LRMDA: variants seen among roughly 807,000 people sequenced by gnomAD.
LRMDA encodes leucine rich melanocyte differentiation associated.
LRMDA carries 18 observed loss-of-function variants against 29.8 expected under a neutral mutation model. The observed-to-expected ratio is 0.60, with a 90% CI of 0.42 to 0.90. The LOEUF (loss-of-function observed/expected upper bound fraction) is 0.90. LRMDA is among the 40% of genes least tolerant of loss of function. LRMDA has a pLI of 0.00. For synonymous variants in LRMDA, 125 were observed against 109.4 expected, an observed-to-expected ratio of 1.14 and a Z score of -0.89; for missense variants, 273 against 273.9, an observed-to-expected ratio of 1.00 and a Z score of 0.02.
intron 2 of LRMDA, among the ~76,000 whole-genome samples, chr10:75,707,763 C>T (rs189230251): frequency 3.3e-5 from 5 of 152,292 alleles, no homozygotes; most frequent in Non-Finnish European, 7.4e-5. Flanking sequence ...CCTTGTGTCT[C>T]TATGGCCCTG....
intron 6 of LRMDA, among the ~76,000 whole-genome samples, chr10:76,345,101 C>A: frequency 8.4e-6 from 1 of 119,318 alleles, no homozygotes; most frequent in Non-Finnish European, 1.6e-5. Context: ...GAGTCTCGCT[C>A]TGTCGCCCAG....
chr10:76,372,738 G>T (rs947846211), intron 6 of LRMDA, among the ~76,000 whole-genome samples: 1 of 152,088 alleles, frequency 6.6e-6, no homozygotes, highest in African/African-American at 2.4e-5. Flanking sequence ...CAGCTAAGGG[G>T]TGCAGACCTG....
At chr10:76,219,551 A>T (rs1851791279) in intron 5 of LRMDA, among the ~76,000 whole-genome samples, 2 of 152,352 alleles carry the variant, frequency 1.3e-5, no homozygotes, top group East Asian at 3.9e-4. Context: ...GGATCAATTC[A>T]ACAAGAAGAG....
chr10:76,332,795 C>T (rs985340132), intron 6 of LRMDA, among the ~76,000 whole-genome samples: 1 of 152,106 alleles, frequency 6.6e-6, no homozygotes. Flanking sequence ...CCCAACATGT[C>T]TTCATTTAGT....
At chr10:76,486,041 C>T (rs1348043500) in intron 6 of LRMDA, among the ~76,000 whole-genome samples, 1 of 151,716 alleles carries the variant, frequency 6.6e-6, no homozygotes, top group African/African-American at 2.4e-5. Flanking sequence ...CTAATAGATG[C>T]TTCATTATGC....
intron 2 of LRMDA, among the ~76,000 whole-genome samples, chr10:75,868,666 T>C (rs756530115): frequency 2.6e-5 from 4 of 152,262 alleles, no homozygotes; most frequent in Non-Finnish European, 5.9e-5. Context: ...TGGGCATTCC[T>C]GAGCCTCTCC....
intron 6 of LRMDA, among the ~76,000 whole-genome samples, chr10:76,458,950 G>C (rs1842485378): frequency 6.6e-6 from 1 of 152,106 alleles, no homozygotes; most frequent in Non-Finnish European, 1.5e-5. Context: ...TGAATTCCAA[G>C]TGTCAAGACA....
rs1329697024 is a variant in LRMDA, at chr10:76,496,458, A to C, written c.602-60751A>C. On this transcript the variant is annotated intron_variant, in intron 6 of 6. Coordinates refer to ENST00000611255, the MANE Select transcript of LRMDA (RefSeq NM_001305581.2). ...CCTCATTTGTTTTCCCTCTATTAGG[A>C]CACACTGTCCTACGTTGCTCTATAT... Among the ~76,000 whole-genome samples the C allele has an allele frequency of 2.7e-5, 2 of 75,466 alleles. 1 individual carries two copies. The highest frequency in any genetic ancestry group is 6.4e-5 in the African/African-American group (2 of 31,056). The allele number at this position is 75,466 out of a possible 152,430, so 49.5% of individuals were successfully genotyped here.
chr10:75,651,187 G>T (rs1841595042), intron 2 of LRMDA, among the ~76,000 whole-genome samples: 1 of 152,118 alleles, frequency 6.6e-6, no homozygotes, highest in Non-Finnish European at 1.5e-5. Context: ...AAATGTTGCT[G>T]TATGGCAAGA....
At chr10:76,287,831 A>G (rs1438592778) in intron 5 of LRMDA, among the ~76,000 whole-genome samples, 1 of 152,202 alleles carries the variant, frequency 6.6e-6, no homozygotes, top group African/African-American at 2.4e-5. Context: ...GGCCCTTCAG[A>G]TCTAATAAGA....
intron 2 of LRMDA, among the ~76,000 whole-genome samples, chr10:75,718,186 G>T (rs1441258823): frequency 2.0e-5 from 3 of 152,170 alleles, no homozygotes; most frequent in Non-Finnish European, 4.4e-5. Context: ...ACACCTAGTG[G>T]CACTCGATCA....
chr10:76,519,914 T>C (rs1438408892), intron 6 of LRMDA, among the ~76,000 whole-genome samples: 1 of 152,170 alleles, frequency 6.6e-6, no homozygotes, highest in Non-Finnish European at 1.5e-5. Context: ...GCATACTTTT[T>C]TTAAGTTTGT....
intron 2 of LRMDA, among the ~76,000 whole-genome samples, chr10:75,508,371 G>A (rs759308061): frequency 2.6e-5 from 4 of 152,066 alleles, no homozygotes; most frequent in Non-Finnish European, 5.9e-5. Flanking sequence ...TTACCTATCA[G>A]CTTGTCAGGT....
chr10:76,378,576 G>T (rs923696343), intron 6 of LRMDA, among the ~76,000 whole-genome samples: 1 of 151,798 alleles, frequency 6.6e-6, no homozygotes, highest in African/African-American at 2.4e-5. Flanking sequence ...TTTGTTGAGG[G>T]TTTTAATCAT....
intron 2 of LRMDA, among the ~76,000 whole-genome samples, chr10:75,511,412 C>G (rs1390935086): frequency 1.3e-5 from 2 of 152,184 alleles, no homozygotes; most frequent in Non-Finnish European, 2.9e-5. Flanking sequence ...TACCCCTCAA[C>G]ATACTGTGGG....
intron 2 of LRMDA, among the ~76,000 whole-genome samples, chr10:75,687,680 A>G (rs1274954911): frequency 6.6e-6 from 1 of 152,248 alleles, no homozygotes; most frequent in East Asian, 1.9e-4. Context: ...CATATTTTCA[A>G]TGTAGTTGGA....
chr10:75,946,915 T>C (rs572278379), intron 2 of LRMDA, among the ~76,000 whole-genome samples: 15 of 152,200 alleles, frequency 9.9e-5, no homozygotes, highest in Middle Eastern at 3.4e-3. Context: ...AGACTTCTGG[T>C]TGAACACCTT....
chr10:75,750,351 A>C (rs1421948136), intron 2 of LRMDA, among the ~76,000 whole-genome samples: 2 of 148,918 alleles, frequency 1.3e-5, no homozygotes, highest in East Asian at 2.0e-4. Flanking sequence ...GGGGCTCCTC[A>C]CTTCTCAGAC....
chr10:76,022,186 T>C (rs1235010845), intron 2 of LRMDA, among the ~76,000 whole-genome samples: 1 of 152,208 alleles, frequency 6.6e-6, no homozygotes. Context: ...TGCCCTTGTT[T>C]CACGAGATTT....
Sources: gnomAD v4.1 joint callset for allele counts (sites outside exome capture counted in the v4.1 genomes callset) on GRCh38, gnomAD v4.1.1 for gene constraint, MANE v1.5 for transcripts, NCBI Gene and HGNC (gene_info 2026-07-23, HGNC 2026-07-21) for gene names.